Variants in STPG2 observed in about 807,000 individuals in gnomAD.
The protein encoded by STPG2 is sperm tail PG-rich repeat containing 2, also known as sperm-tail PG-rich repeat-containing protein 2.
In STPG2, 56 loss-of-function variants were observed where a neutral mutation model predicts 54.2. That is an observed-to-expected ratio of 1.03 (90% CI 0.83 to 1.29). STPG2 has a LOEUF of 1.29. Ranked by LOEUF, STPG2 falls within the 50% of genes most tolerant of loss-of-function variation. The pLI is 0.00. For missense variants in STPG2, 596 were observed against 544.9 expected (o/e 1.09, Z -0.93); for synonymous variants, 200 against 181.8 (o/e 1.10, Z -0.81).
chr4:97,758,114 A>G (rs916726909), intron 9 of STPG2, among the ~76,000 whole-genome samples: 9 of 152,198 alleles, frequency 5.9e-5, no homozygotes, highest in African/African-American at 1.7e-4. Flanking sequence ...TGGTATATTA[A>G]GAGGTAGTGA....
chr4:97,583,346 C>T (rs2148892376), intron 10 of STPG2, among the ~76,000 whole-genome samples: 1 of 152,120 alleles, frequency 6.6e-6, no homozygotes, highest in East Asian at 1.9e-4. Flanking sequence ...AGGCCCTTTA[C>T]AATGCTACAC....
intron 3 of STPG2, among the ~76,000 whole-genome samples, chr4:98,123,188 C>T (rs373465096): frequency 2.0e-5 from 3 of 152,172 alleles, no homozygotes; most frequent in African/African-American, 7.2e-5. Flanking sequence ...ATGTCTCTAT[C>T]TCCTTCAGTA....
chr4:97,927,572 A>T (rs1420027710), intron 8 of STPG2, among the ~76,000 whole-genome samples: 1 of 152,124 alleles, frequency 6.6e-6, no homozygotes, highest in African/African-American at 2.4e-5. Context: ...CCTTATAATA[A>T]CATCCGAGAT....
chr4:97,490,293 G>A (rs558872029), intron 4 of STPG2: 13 of 150,646 alleles, frequency 8.6e-5, no homozygotes, highest in African/African-American at 2.4e-4. Context: ...TTCTTGCTAA[G>A]ACCACCAATA....
chr4:97,914,644 C>T (rs1248617063), intron 8 of STPG2, among the ~76,000 whole-genome samples: 1 of 152,136 alleles, frequency 6.6e-6, no homozygotes, highest in African/African-American at 2.4e-5. Context: ...ACTGAGTATT[C>T]TTTATCCAAA....
intron 8 of STPG2, among the ~76,000 whole-genome samples, chr4:97,864,530 C>T (rs997360287): frequency 2.0e-5 from 3 of 151,874 alleles, no homozygotes; most frequent in Admixed American, 6.6e-5. Context: ...GTAATTTATA[C>T]ATTCAATGCC....
chr4:97,860,039 G>A (rs1245431179), intron 8 of STPG2, among the ~76,000 whole-genome samples: 1 of 152,146 alleles, frequency 6.6e-6, no homozygotes, highest in Non-Finnish European at 1.5e-5. Flanking sequence ...TTGCCTGAAA[G>A]AATTTGGCTT....
chr4:97,703,237 T>C (rs898496569), intron 10 of STPG2, among the ~76,000 whole-genome samples: 1 of 151,644 alleles, frequency 6.6e-6, no homozygotes, highest in Non-Finnish European at 1.5e-5. Flanking sequence ...AAGTAGAATC[T>C]TAGCATTTTG....
At chr4:97,911,085 G>C (rs567863819) in intron 8 of STPG2, among the ~76,000 whole-genome samples, 3 of 152,322 alleles carry the variant, frequency 2.0e-5, no homozygotes, top group Non-Finnish European at 2.9e-5. Context: ...GCCAAGAAAG[G>C]GGGTGAGTGA....
chr4:97,673,675 T>A (rs1354197226), intron 10 of STPG2, among the ~76,000 whole-genome samples: 3 of 45,348 alleles, frequency 6.6e-5, no homozygotes, highest in Admixed American at 3.5e-4. Flanking sequence ...GGCTTTATAT[T>A]TTTTTTTTTC....
rs1338669609 is a variant in STPG2, at chr4:97,870,817, TA to T, written c.1045-29886del. Among the ~76,000 whole-genome samples the T allele has an allele frequency of 2.0e-5, 3 of 151,116 alleles. No homozygotes were observed. In the Admixed American group the frequency reaches 2.0e-4, roughly 10 times the overall value. On this transcript the variant is annotated intron_variant, in intron 8 of 10. Coordinates refer to ENST00000295268, the MANE Select transcript of STPG2 (RefSeq NM_174952.3). ...AACAATACACCAATAACGTAAATCT[TA>T]AGGATATATGTTGAACTTTACAGCC...
chr4:97,585,101 C>CAAAAAAAAAAAAAAAAAAA (rs60854805), intron 10 of STPG2, among the ~76,000 whole-genome samples: 1 of 46,262 alleles, frequency 2.2e-5, no homozygotes, highest in Non-Finnish European at 3.4e-5. Flanking sequence ...AAAATATTCT[C>CAAAAAAAAAAAAAAAAAAA]AAAAAAAAAA....
intron 5 of STPG2, among the ~76,000 whole-genome samples, chr4:97,985,366 C>T (rs797010047): frequency 2.0e-5 from 3 of 152,164 alleles, no homozygotes; most frequent in African/African-American, 7.2e-5. Context: ...ATTTAAATTC[C>T]TCAGATGTTT....
At chr4:97,904,331 C>G (rs1408007679) in intron 8 of STPG2, among the ~76,000 whole-genome samples, 2 of 152,208 alleles carry the variant, frequency 1.3e-5, no homozygotes, top group Admixed American at 1.3e-4. Flanking sequence ...CACCCCCCAG[C>G]AGGGGCAGAC....
intron 7 of STPG2, among the ~76,000 whole-genome samples, chr4:97,964,294 G>A (rs1578737433): frequency 6.6e-6 from 1 of 152,094 alleles, no homozygotes; most frequent in African/African-American, 2.4e-5. Flanking sequence ...TGTGAGTTCT[G>A]GGAACGTGGA....
intron 8 of STPG2, among the ~76,000 whole-genome samples, chr4:97,882,434 G>T (rs571744918): frequency 1.3e-5 from 2 of 152,124 alleles, no homozygotes; most frequent in Non-Finnish European, 2.9e-5. Flanking sequence ...GCAGATCCCT[G>T]GAGAAAGAAA....
At chr4:97,653,750 A>G (rs1280416018) in intron 10 of STPG2, among the ~76,000 whole-genome samples, 1 of 152,208 alleles carries the variant, frequency 6.6e-6, no homozygotes, top group Non-Finnish European at 1.5e-5. Context: ...AATGGTGTTT[A>G]GTGTCCAGAA....
chr4:97,922,520 GA>G (rs1295373769), intron 8 of STPG2, among the ~76,000 whole-genome samples: 1 of 152,102 alleles, frequency 6.6e-6, no homozygotes, highest in Non-Finnish European at 1.5e-5. Context: ...TTATTACTAA[GA>G]AAAAAAGTTG....
chr4:97,465,913 T>C (rs1729776913), intron 4 of STPG2, among the ~76,000 whole-genome samples: 1 of 152,090 alleles, frequency 6.6e-6, no homozygotes, highest in African/African-American at 2.4e-5. Context: ...TTAATTCTCC[T>C]GTTGTTTACA....
Sources: gnomAD v4.1 joint callset for allele counts (sites outside exome capture counted in the v4.1 genomes callset) on GRCh38, gnomAD v4.1.1 for gene constraint, MANE v1.5 for transcripts, NCBI Gene and HGNC (gene_info 2026-07-23, HGNC 2026-07-21) for gene names.